The following VWA3B variants were observed in gnomAD, a reference collection of about 807,000 sequenced individuals.
VWA3B encodes the protein von Willebrand factor A domain-containing protein 3B.
A neutral mutation model predicts 158.3 loss-of-function variants in VWA3B; 138 were observed. The observed-to-expected ratio is 0.87, with a 90% CI of 0.76 to 1.00. The LOEUF (loss-of-function observed/expected upper bound fraction) is 1.00. VWA3B is among the 50% of genes least tolerant of loss of function. The pLI is 0.00. For synonymous variants in VWA3B, 596 were observed against 587.3 expected, an observed-to-expected ratio of 1.01 and a Z score of -0.21; for missense variants, 1,555 against 1,565.1, an observed-to-expected ratio of 0.99 and a Z score of 0.11.
chr2:98,297,784 A>G, intron 23 of VWA3B, 123 bp from the exon 24 acceptor site: 1 of 1,227,684 alleles, frequency 8.1e-7, no homozygotes. Flanking sequence ...GGAGAAATCA[A>G]AGGGGCACAC....
At position 98,250,453 on chromosome 2, in the gene VWA3B, G is replaced by T; in HGVS notation, c.2792+17G>T. The T allele has an allele frequency of 6.4e-7, 1 of 1,568,262 alleles. No homozygotes were observed. Among genetic ancestry groups the T allele is most frequent in the Non-Finnish European group, 8.7e-7 (1 of 1,148,890 alleles). On this transcript the variant is annotated intron_variant, in intron 20 of 27. Transcript: ENST00000477737. ...CTATGAAAAGTGAGTATTACTCTTG[G>T]CTGCTCTTTAATGGATGTGGAATTT...
intron 12 of VWA3B, among the ~76,000 whole-genome samples, chr2:98,210,374 GCA>G (rs1245539575): frequency 2.6e-5 from 4 of 152,132 alleles, no homozygotes; most frequent in Non-Finnish European, 5.9e-5. Flanking sequence ...ACAGCTTTTG[GCA>G]CAGTGTTAGG....
intron 26 of VWA3B, among the ~76,000 whole-genome samples, chr2:98,309,111 C>T (rs1233561657): frequency 1.4e-5 from 2 of 146,796 alleles, no homozygotes; most frequent in African/African-American, 2.5e-5. Context: ...TAGAGCTTGC[C>T]ATGAGCCGAG....
chr2:98,115,663 T>A lies in VWA3B; in HGVS notation c.208T>A (p.Ser70Thr). Residue 70 changes from serine to threonine, a missense_variant, in exon 3 of 28, where the codon TCT (serine) becomes ACT (threonine). Transcript: ENST00000477737. ...TTATAAAAATGCAGATTATGTGGCGTCTCTGGGGAGACCTGTGGCTTCTCG... is the reference window on the plus strand; with the variant it reads ...TTATAAAAATGCAGATTATGTGGCGACTCTGGGGAGACCTGTGGCTTCTCG... The part of the protein sequence containing the change: ...GFPHCEDYVA[S>T]LGRPVASRYA... The A allele has an allele frequency of 5.0e-6, 8 of 1,613,796 alleles. No individual in the cohort carries two copies. Among genetic ancestry groups the A allele is most frequent in the Non-Finnish European group, 6.8e-6 (8 of 1,179,950 alleles).
chr2:98,187,853 A>G (rs1681236507), intron 9 of VWA3B, 122 bp from the exon 10 acceptor site: 1 of 1,042,578 alleles, frequency 9.6e-7, no homozygotes, highest in East Asian at 2.9e-5. Flanking sequence ...TAACAAAGGA[A>G]TGATTGACGG....
At chr2:98,101,094 G>T (rs1683046730) in intron 2 of VWA3B, among the ~76,000 whole-genome samples, 2 of 152,168 alleles carry the variant, frequency 1.3e-5, no homozygotes, top group Admixed American at 1.3e-4. Flanking sequence ...CCTGGGATGT[G>T]CAAGTCCTTT....
At chr2:98,149,910 A>G (rs1235063303) in intron 7 of VWA3B, among the ~76,000 whole-genome samples, 1 of 152,248 alleles carries the variant, frequency 6.6e-6, no homozygotes, top group Non-Finnish European at 1.5e-5. Flanking sequence ...ATGCATTGCT[A>G]CAAGTTCTGA....
At chr2:98,218,081 G>T in intron 14 of VWA3B, 53 bp downstream of exon 14, 3 of 1,529,576 alleles carry the variant, frequency 2.0e-6, no homozygotes, top group Non-Finnish European at 2.6e-6. Flanking sequence ...AGCATTACAG[G>T]CTGGCGGTCC....
chr2:98,140,272 T>C (rs1210391608), intron 7 of VWA3B, among the ~76,000 whole-genome samples: 1 of 152,162 alleles, frequency 6.6e-6, no homozygotes, highest in Non-Finnish European at 1.5e-5. Context: ...AGATTCTCCT[T>C]CCTCCCAGCA....
rs1341312086 is a variant in VWA3B at position 98,270,888 on chromosome 2, G to A, written c.3045+5G>A. On this transcript the variant is annotated splice_donor_5th_base_variant and intron_variant, in intron 22 of 27. Coordinates refer to ENST00000477737, the MANE Select transcript of VWA3B (RefSeq NM_144992.5). ...GCAAACAAGGCCCCGGGAGAGGTGG[G>A]TGCCCTGGAGGTCTCTGTCTTTCCT... The A allele has an allele frequency of 6.2e-7, 1 of 1,613,268 alleles. No individual in the cohort carries two copies. The highest frequency in any genetic ancestry group is 1.3e-5 in the African/African-American group (1 of 74,862).
intron 8 of VWA3B, among the ~76,000 whole-genome samples, chr2:98,164,918 C>T (rs1228085129): frequency 6.6e-6 from 1 of 152,106 alleles, no homozygotes; most frequent in Admixed American, 6.5e-5. Flanking sequence ...GTTATAAATC[C>T]CAGCTCCATC....
At chr2:98,243,862 A>G (rs1045101613) in intron 19 of VWA3B, among the ~76,000 whole-genome samples, 4 of 152,302 alleles carry the variant, frequency 2.6e-5, no homozygotes, top group Admixed American at 1.3e-4. Flanking sequence ...CAGCTATTAC[A>G]TTTCCATTAC....
intron 13 of VWA3B, among the ~76,000 whole-genome samples, chr2:98,215,502 A>T (rs1434758502): frequency 6.6e-6 from 1 of 151,758 alleles, no homozygotes; most frequent in Non-Finnish European, 1.5e-5. Flanking sequence ...AATTACCCCA[A>T]ACATAATTTC....
chr2:98,233,266 T>G (rs768112037), intron 16 of VWA3B, among the ~76,000 whole-genome samples: 3 of 152,180 alleles, frequency 2.0e-5, no homozygotes, highest in Non-Finnish European at 4.4e-5. Flanking sequence ...CCATTGGTGA[T>G]GTAGAGGAGT....
At chr2:98,303,064 G>A (rs1690294315) in intron 25 of VWA3B, among the ~76,000 whole-genome samples, 1 of 152,202 alleles carries the variant, frequency 6.6e-6, no homozygotes, top group South Asian at 2.1e-4. Context: ...CCTTCCTGAT[G>A]TGTGGGACCA....
intron 26 of VWA3B, among the ~76,000 whole-genome samples, chr2:98,308,025 A>G (rs1175601593): frequency 6.6e-6 from 1 of 152,200 alleles, no homozygotes. Context: ...GAAGGGCTCA[A>G]AACTAATTGA....
chr2:98,088,081 TGGGA>T (rs1681994102), intron 1 of VWA3B, among the ~76,000 whole-genome samples: 1 of 152,038 alleles, frequency 6.6e-6, no homozygotes, highest in South Asian at 2.1e-4. Flanking sequence ...GCAGAAAAAA[TGGGA>T]GGAGGTTTAA....
At chr2:98,191,057 T>A (rs1161615569) in intron 10 of VWA3B, among the ~76,000 whole-genome samples, 1 of 152,204 alleles carries the variant, frequency 6.6e-6, no homozygotes, top group Non-Finnish European at 1.5e-5. Flanking sequence ...CTCTCTGAGT[T>A]AACTTTAAAT....
At chr2:98,299,963 T>C (rs187513580) in intron 24 of VWA3B, 116 bp from the exon 25 acceptor site, 3 of 1,337,092 alleles carry the variant, frequency 2.2e-6, no homozygotes, top group Admixed American at 2.2e-5. Flanking sequence ...AAAATATCTA[T>C]TTGAATTTTA....
Sources: gnomAD v4.1 joint callset for allele counts (sites outside exome capture counted in the v4.1 genomes callset) on GRCh38, gnomAD v4.1.1 for gene constraint, MANE v1.5 for transcripts, NCBI Gene and HGNC (gene_info 2026-07-23, HGNC 2026-07-21) for gene names.